Variants in PCDH11Y observed in about 807,000 individuals in gnomAD.
PCDH11Y encodes protocadherin 11 Y-linked.
For synonymous variants in PCDH11Y, 9 were observed against 83.6 expected, an observed-to-expected ratio of 0.11 and a Z score of 4.87; for missense variants, 12 against 224.8, an observed-to-expected ratio of 0.05 and a Z score of 6.05.
At chrY:5,093,586 T>C (rs2052744825) in intron 1 of PCDH11Y, among the ~76,000 whole-genome samples, 1 of 32,431 alleles carries the variant, frequency 3.1e-5, no homozygotes. Flanking sequence ...GTATTTGTCA[T>C]AATTTATTCT....
intron 2 of PCDH11Y, among the ~76,000 whole-genome samples, chrY:5,411,947 T>A: frequency 9.0e-5 from 3 of 33,339 alleles, no homozygotes; most frequent in Non-Finnish European, 1.5e-4. Flanking sequence ...AATTTTAAAA[T>A]AGCTTTTCTA....
intron 2 of PCDH11Y, among the ~76,000 whole-genome samples, chrY:5,478,660 C>T (rs2053322482): frequency 9.5e-5 from 3 of 31,518 alleles, no homozygotes; most frequent in Non-Finnish European, 2.3e-4. Context: ...GTCTAAGTCT[C>T]TTTCTAAGTC....
At chrY:5,664,460 G>C (rs2124707558) in intron 4 of PCDH11Y, among the ~76,000 whole-genome samples, 1 of 32,750 alleles carries the variant, frequency 3.1e-5, no homozygotes, top group Admixed American at 2.8e-4. Flanking sequence ...ATTTTTACCA[G>C]AGTGACTTAT....
intron 2 of PCDH11Y, among the ~76,000 whole-genome samples, chrY:5,296,959 T>A: frequency 1.2e-4 from 4 of 32,210 alleles, no homozygotes; most frequent in African/African-American, 3.7e-4. Context: ...TAACCACCAC[T>A]GCTGATAGTG....
chrY:5,581,828 C>T, intron 4 of PCDH11Y, 30 bp downstream of exon 5: 1 of 357,164 alleles, frequency 2.8e-6, no homozygotes, highest in Non-Finnish European at 3.8e-6. Flanking sequence ...AAACCATCAC[C>T]ATGTTGCATG....
chrY:5,195,323 T>C (rs1356088432), intron 2 of PCDH11Y, among the ~76,000 whole-genome samples: 3 of 33,540 alleles, frequency 8.9e-5, no homozygotes, highest in Non-Finnish European at 1.5e-4. Context: ...AGGTTCTGCA[T>C]CTAAAAATTA....
chrY:5,068,542 CTGTGTGTGTGTGTG>C (rs3067360), intron 1 of PCDH11Y, among the ~76,000 whole-genome samples: 1 of 21,777 alleles, frequency 4.6e-5, no homozygotes, highest in African/African-American at 1.6e-4. Context: ...TTTGTGTCCT[CTGTGTGTGTGTGTG>C]TGTGTGTGTG....
chrY:5,268,038 C>T, intron 2 of PCDH11Y, among the ~76,000 whole-genome samples: 1 of 35,282 alleles, frequency 2.8e-5, no homozygotes, highest in Non-Finnish European at 7.3e-5. Flanking sequence ...TAGGAATACA[C>T]ATTTTTTACA....
At chrY:5,070,943 T>C in intron 1 of PCDH11Y, among the ~76,000 whole-genome samples, 1 of 29,714 alleles carries the variant, frequency 3.4e-5, no homozygotes, top group South Asian at 8.1e-4. Flanking sequence ...TTTATTTCAC[T>C]ACTTGGCAGT....
intron 2 of PCDH11Y, among the ~76,000 whole-genome samples, chrY:5,294,537 A>G: frequency 6.2e-5 from 2 of 32,092 alleles, no homozygotes; most frequent in Non-Finnish European, 1.5e-4. Flanking sequence ...CCAGGATTAC[A>G]GTCTTGAGCC....
chrY:5,117,493 G>A, intron 2 of PCDH11Y, among the ~76,000 whole-genome samples: 1 of 32,987 alleles, frequency 3.0e-5, no homozygotes, highest in African/African-American at 1.2e-4. Flanking sequence ...GGGAGAGGGT[G>A]CTAGTGCTGA....
intron 2 of PCDH11Y, among the ~76,000 whole-genome samples, chrY:5,157,636 G>T: frequency 3.1e-5 from 1 of 32,184 alleles, no homozygotes. Flanking sequence ...TTTAAAAATG[G>T]GCTTTGTCTT....
At chrY:5,436,466 A>G in intron 2 of PCDH11Y, among the ~76,000 whole-genome samples, 1 of 33,395 alleles carries the variant, frequency 3.0e-5, no homozygotes, top group Non-Finnish European at 7.4e-5. Flanking sequence ...AGTATTTACA[A>G]TGTACTTTCC....
intron 2 of PCDH11Y, among the ~76,000 whole-genome samples, chrY:5,343,276 C>T (rs2053147608): frequency 1.8e-4 from 4 of 22,582 alleles, no homozygotes; most frequent in Non-Finnish European, 2.9e-4. Flanking sequence ...TTTTTTGAGA[C>T]GGAGTCTCGC....
chrY:5,564,347 G>T, intron 3 of PCDH11Y, among the ~76,000 whole-genome samples: 1 of 32,870 alleles, frequency 3.0e-5, no homozygotes, highest in Non-Finnish European at 7.5e-5. Context: ...TGGCTCAGAA[G>T]TCAGTGGGTA....
intron 3 of PCDH11Y, among the ~76,000 whole-genome samples, chrY:5,575,418 A>C: frequency 3.1e-5 from 1 of 31,930 alleles, no homozygotes; most frequent in Non-Finnish European, 7.6e-5. Context: ...GCCTACCTTC[A>C]AGTGTTTAAG....
At chrY:5,647,845 T>G in intron 4 of PCDH11Y, among the ~76,000 whole-genome samples, 4 of 33,595 alleles carry the variant, frequency 1.2e-4, no homozygotes, top group Non-Finnish European at 2.9e-4. Context: ...TTAGAGAAAT[T>G]CCAGTTCAAC....
At chrY:5,319,688 C>A in intron 2 of PCDH11Y, among the ~76,000 whole-genome samples, 1 of 32,801 alleles carries the variant, frequency 3.0e-5, no homozygotes, top group African/African-American at 1.2e-4. Context: ...CAATCCCCAG[C>A]TGTGGTGAAA....
intron 2 of PCDH11Y, among the ~76,000 whole-genome samples, chrY:5,420,671 A>T: frequency 3.4e-5 from 1 of 29,651 alleles, no homozygotes; most frequent in East Asian, 8.8e-4. Flanking sequence ...AGCAGAAGTA[A>T]GTAAAATAGA....
Sources: allele counts gnomAD v4.1 joint callset (sites outside exome capture counted in the v4.1 genomes callset), GRCh38; gene constraint gnomAD v4.1.1; transcripts MANE v1.5; gene names NCBI Gene and HGNC (gene_info 2026-07-23, HGNC 2026-07-21).